PYGL: variants seen among roughly 807,000 people sequenced by gnomAD.
PYGL encodes glycogen phosphorylase L.
In PYGL, 90 loss-of-function variants were observed where a neutral mutation model predicts 100.1. The observed-to-expected ratio is 0.90, with a 90% CI of 0.76 to 1.07. PYGL has a LOEUF of 1.07. Ranked by LOEUF, PYGL falls within the 50% of genes least tolerant of loss-of-function variation. PYGL has a pLI of 0.00. For synonymous variants in PYGL, 373 were observed against 393.0 expected (o/e 0.95, Z 0.60); for missense variants, 1,016 against 1,057.6 (o/e 0.96, Z 0.55).
At chr14:50,908,101 GTT>G (rs796861093) in intron 19 of PYGL, 168 bp downstream of exon 19, 34 of 445,520 alleles carry the variant, frequency 7.6e-5, no homozygotes, top group South Asian at 1.8e-4. Context: ...AAAAGACAAG[GTT>G]TTTTTTTTTG....
intron 5 of PYGL, chr14:50,921,290 C>T: frequency 1.8e-6 from 1 of 563,152 alleles, no homozygotes; most frequent in Non-Finnish European, 3.2e-6. Flanking sequence ...AAACCATCCA[C>T]ACTGATGGTC....
At chr14:50,935,291 G>A in intron 2 of PYGL, 106 bp from the exon 3 acceptor site, 4 of 919,468 alleles carry the variant, frequency 4.4e-6, no homozygotes, top group Non-Finnish European at 7.0e-6. Context: ...GTTTAGCTGT[G>A]TACCTAATCT....
chr14:50,922,648 C>T (rs1293719386), intron 5 of PYGL, among the ~76,000 whole-genome samples: 1 of 152,174 alleles, frequency 6.6e-6, no homozygotes, highest in Non-Finnish European at 1.5e-5. Flanking sequence ...TGGGACACTC[C>T]ATGTGGCTGG....
chr14:50,940,179 T>G (rs1463652615), intron 1 of PYGL, among the ~76,000 whole-genome samples: 1 of 152,230 alleles, frequency 6.6e-6, no homozygotes, highest in Non-Finnish European at 1.5e-5. Context: ...GGTAATAGTA[T>G]CTTAAGCCAC....
chr14:50,915,900 C>T lies in PYGL; in HGVS notation c.1164G>A (p.Trp388Ter). Residue 388 changes from tryptophan to a stop codon, truncating the protein, a stop_gained, in exon 10 of 20, where the codon TGG becomes TGA. Transcript: ENST00000216392. LOFTEE classifies it high-confidence loss of function. ...HTVLPEALER[W>*]PVDLVEKLLP... ...GCAGCTTCTCCACCAGGTCCACGGG[C>T]CAGCGCTCCAGGGCTTCCGGGAGCA... 1 of 1,614,206 alleles carries T rather than the reference C, an allele frequency of 6.2e-7. No individual in the cohort carries two copies. Among genetic ancestry groups the T allele is most frequent in the Non-Finnish European group, 8.5e-7 (1 of 1,180,004 alleles).
At chr14:50,916,033 A>G in intron 9 of PYGL, 62 bp from the exon 10 acceptor site, 2 of 1,604,980 alleles carry the variant, frequency 1.2e-6, no homozygotes, top group Non-Finnish European at 1.7e-6. Flanking sequence ...GCACGGGCCA[A>G]ACCCTTCTTC....
At chr14:50,935,727 C>T (rs963771278) in intron 2 of PYGL, among the ~76,000 whole-genome samples, 9 of 152,172 alleles carry the variant, frequency 5.9e-5, no homozygotes, top group East Asian at 1.9e-4. Context: ...CAGGGTCAGA[C>T]GTTCCAGAAT....
chr14:50,909,354 G>T (rs1428293658), intron 17 of PYGL, among the ~76,000 whole-genome samples: 1 of 152,172 alleles, frequency 6.6e-6, no homozygotes, highest in African/African-American at 2.4e-5. Flanking sequence ...TGACTTCCAA[G>T]GGTCAGGAAG....
chr14:50,915,739 G>T, intron 10 of PYGL, 86 bp downstream of exon 10: 1 of 1,529,406 alleles, frequency 6.5e-7, no homozygotes, highest in Non-Finnish European at 8.9e-7. Flanking sequence ...ATTGAAAGAT[G>T]TTTGGTAAGA....
At chr14:50,927,138 A>G (rs908752910) in intron 4 of PYGL, among the ~76,000 whole-genome samples, 3 of 152,228 alleles carry the variant, frequency 2.0e-5, no homozygotes, top group Admixed American at 6.5e-5. Context: ...AAATGCTCAG[A>G]TAAGAGAGGA....
At chr14:50,912,371 T>C (rs960534854) in intron 13 of PYGL, 68 bp from the exon 14 acceptor site, 1 of 1,567,866 alleles carries the variant, frequency 6.4e-7, no homozygotes, top group Non-Finnish European at 8.7e-7. Context: ...GGTTTTTCTT[T>C]TTTTTGAGAC....
chr14:50,928,653 G>T (rs148595939), intron 4 of PYGL, among the ~76,000 whole-genome samples: 33 of 148,138 alleles, frequency 2.2e-4, no homozygotes, highest in African/African-American at 8.2e-4. Context: ...TTCAGGGGGT[G>T]CACGATGAAC....
intron 7 of PYGL, among the ~76,000 whole-genome samples, chr14:50,920,145 G>T (rs527834106): frequency 6.6e-6 from 1 of 152,208 alleles, no homozygotes; most frequent in Non-Finnish European, 1.5e-5. Flanking sequence ...GGACCAGAAA[G>T]AGCCTAGTCA....
In PYGL at chr14:50,944,164, G is replaced by T; in HGVS notation, c.240C>A (p.Pro80=). The stretch of plus-strand genomic sequence containing the variant: ...CCGCCGTCCCGCCCCCGGTTACCTT[G>T]GGGCACTTGTCGTAGTAGTGCTGCT... The part of the protein sequence containing the change: ...RTQQHYYDKC[P]KRVYYLSLEF... The change falls in exon 1 of 20, where the codon CCC becomes CCA. Residue 80 remains proline (P), a synonymous_variant. Coordinates refer to ENST00000216392, the MANE Select transcript of PYGL (RefSeq NM_002863.5). 6.2e-7 allele frequency: 1 copy of T among 1,604,390 alleles called. No homozygotes were observed.
intron 1 of PYGL, among the ~76,000 whole-genome samples, chr14:50,940,514 T>A (rs1380142734): frequency 6.6e-6 from 1 of 152,228 alleles, no homozygotes; most frequent in African/African-American, 2.4e-5. Context: ...CATGACAGAC[T>A]TTATAAGGAC....
At chr14:50,919,751 G>A (rs1283556216) in intron 7 of PYGL, among the ~76,000 whole-genome samples, 2 of 151,750 alleles carry the variant, frequency 1.3e-5, no homozygotes, top group Non-Finnish European at 2.9e-5. Flanking sequence ...GTGCAATCTC[G>A]GCTCACTGCA....
At chr14:50,916,188 A>T (rs183728112) in intron 9 of PYGL, among the ~76,000 whole-genome samples, 12 of 152,360 alleles carry the variant, frequency 7.9e-5, no homozygotes, top group African/African-American at 2.9e-4. Flanking sequence ...GTGAAACTTA[A>T]GACAGCATTC....
intron 12 of PYGL, among the ~76,000 whole-genome samples, 180 bp downstream of exon 12, chr14:50,914,520 TA>T (rs530944161): frequency 2.6e-4 from 39 of 150,606 alleles, no homozygotes; most frequent in African/African-American, 8.3e-4. Context: ...ATAATAATAA[TA>T]AATAATTTCA....
At chr14:50,934,340 C>T (rs1044035002) in intron 3 of PYGL, among the ~76,000 whole-genome samples, 1 of 152,030 alleles carries the variant, frequency 6.6e-6, no homozygotes, top group Non-Finnish European at 1.5e-5. Context: ...CTGGAGTCTA[C>T]CACTGAAAAA....
Sources: allele counts gnomAD v4.1 joint callset (sites outside exome capture counted in the v4.1 genomes callset), GRCh38; gene constraint gnomAD v4.1.1; transcripts MANE v1.5; gene names NCBI Gene and HGNC (gene_info 2026-07-23, HGNC 2026-07-21).